The following SMG6 variants were observed in gnomAD, a reference collection of about 807,000 sequenced individuals.
SMG6 encodes SMG6 nonsense mediated mRNA decay factor, also known as telomerase-binding protein EST1A.
SMG6 carries 66 observed loss-of-function variants against 142.2 expected under a neutral mutation model. The ratio of observed to expected loss-of-function variants is 0.46; its 90% CI spans 0.38 to 0.57. The LOEUF (loss-of-function observed/expected upper bound fraction) is 0.57, where lower values mean the gene tolerates loss of function less well. SMG6 is among the 20% of genes least tolerant of loss of function. SMG6 has a pLI of 0.00. For missense variants in SMG6, 1,793 were observed against 1,832.0 expected, an observed-to-expected ratio of 0.98 and a Z score of 0.39; for synonymous variants, 779 against 702.4, an observed-to-expected ratio of 1.11 and a Z score of -1.72.
intron 10 of SMG6, 80 bp from the exon 11 acceptor site, chr17:2,188,595 T>C: frequency 7.2e-6 from 9 of 1,248,002 alleles, no homozygotes; most frequent in Non-Finnish European, 1.0e-5. Flanking sequence ...AGCTTCCTTT[T>C]CCTCACTGAA....
intron 8 of SMG6, among the ~76,000 whole-genome samples, chr17:2,250,200 T>A (rs1200282109): frequency 6.6e-6 from 1 of 152,158 alleles, no homozygotes; most frequent in African/African-American, 2.4e-5. Context: ...ACAGGCCCAA[T>A]TTCAGTTCCG....
chr17:2,169,858 G>A (rs1022887923), intron 13 of SMG6, among the ~76,000 whole-genome samples: 1 of 152,110 alleles, frequency 6.6e-6, no homozygotes, highest in African/African-American at 2.4e-5. Flanking sequence ...AGAGTAGAAG[G>A]GGGAAGGAAC....
At chr17:2,096,662 C>T (rs758878840) in intron 13 of SMG6, among the ~76,000 whole-genome samples, 17 of 152,280 alleles carry the variant, frequency 1.1e-4, no homozygotes, top group Middle Eastern at 3.4e-3. Flanking sequence ...TCCTTCAAGA[C>T]GCCAGTTAGC....
Position 2,197,307 on chromosome 17 carries a change from T to C in SMG6, c.2870-8792A>G, listed in dbSNP as rs894513192. Among the ~76,000 whole-genome samples, 3 of 152,140 alleles carry C rather than the reference T, an allele frequency of 2.0e-5. No individual in the cohort carries two copies. The South Asian group carries it at 6.2e-4, about 31-fold the overall frequency. ...GGCCAGGCGCGGTGGCTCACGCCTATAATTCCAGCACGCTGGGAGGCCAAG... is the reference window on the plus strand; with the variant it reads ...GGCCAGGCGCGGTGGCTCACGCCTACAATTCCAGCACGCTGGGAGGCCAAG... On this transcript the variant is annotated intron_variant, in intron 10 of 18. Transcript: ENST00000263073.
chr17:2,121,408 T>C (rs1285375375), intron 13 of SMG6, among the ~76,000 whole-genome samples: 1 of 152,186 alleles, frequency 6.6e-6, no homozygotes, highest in African/African-American at 2.4e-5. Flanking sequence ...CAAGAGCATG[T>C]ACTTATTGTG....
intron 13 of SMG6, among the ~76,000 whole-genome samples, chr17:2,091,953 A>G (rs900060549): frequency 2.0e-5 from 3 of 149,506 alleles, no homozygotes; most frequent in African/African-American, 7.4e-5. Context: ...AAGTGCTGGG[A>G]TTACAGGCGT....
intron 13 of SMG6, chr17:2,086,981 C>A: frequency 7.8e-7 from 1 of 1,284,380 alleles, no homozygotes; most frequent in South Asian, 1.2e-5. Context: ...ACTGACTAGC[C>A]CCTGCCTCTC....
At chr17:2,265,900 T>C (rs2074413929) in intron 8 of SMG6, 18 of 741,528 alleles carry the variant, frequency 2.4e-5, no homozygotes, top group Non-Finnish European at 2.8e-5. Flanking sequence ...TCTTAAAGAA[T>C]GAAATATGAA....
intron 9 of SMG6, among the ~76,000 whole-genome samples, chr17:2,239,602 GA>G (rs1168337170): frequency 6.6e-6 from 1 of 152,040 alleles, no homozygotes; most frequent in East Asian, 1.9e-4. Context: ...GAAAAAAATT[GA>G]AAAAATTTTA....
chr17:2,092,962 G>A (rs531804586), intron 13 of SMG6, among the ~76,000 whole-genome samples: 1 of 152,334 alleles, frequency 6.6e-6, no homozygotes, highest in Non-Finnish European at 1.5e-5. Flanking sequence ...TGGGGAGGCT[G>A]AGGCAGTGGA....
intron 1 of SMG6, among the ~76,000 whole-genome samples, chr17:2,302,775 A>C (rs1245173438): frequency 6.6e-6 from 1 of 151,788 alleles, no homozygotes; most frequent in Non-Finnish European, 1.5e-5. Context: ...GTTTAACCCA[A>C]GAATAGCTCA....
At chr17:2,110,332 C>T (rs529618467) in intron 13 of SMG6, among the ~76,000 whole-genome samples, 56 of 152,182 alleles carry the variant, frequency 3.7e-4, no homozygotes, top group Non-Finnish European at 7.1e-4. Context: ...ACCTTCCCAC[C>T]TTTGATTTTT....
chr17:2,201,677 CAAA>C (rs58219330), intron 10 of SMG6, among the ~76,000 whole-genome samples: 4 of 127,678 alleles, frequency 3.1e-5, no homozygotes, highest in Admixed American at 7.9e-5. Flanking sequence ...AGACTTGATT[CAAA>C]AAAAAAAAAA....
chr17:2,117,499 T>C (rs574945847), intron 13 of SMG6: 2 of 152,200 alleles, frequency 1.3e-5, no homozygotes, highest in African/African-American at 4.8e-5. Context: ...TGTATTTTCA[T>C]ATTCTAGCAG....
At chr17:2,121,605 G>C (rs948577484) in intron 13 of SMG6, among the ~76,000 whole-genome samples, 99 of 40,232 alleles carry the variant, frequency 2.5e-3, no homozygotes, top group Non-Finnish European at 3.9e-3. Context: ...GTGTGTGTGT[G>C]TGTGTGTGTG....
intron 10 of SMG6, among the ~76,000 whole-genome samples, chr17:2,235,263 T>C (rs1467471965): frequency 6.6e-6 from 1 of 152,172 alleles, no homozygotes; most frequent in African/African-American, 2.4e-5. Context: ...TGGATCTCAC[T>C]TTCTGCTGGG....
In SMG6 at chr17:2,090,040, C is replaced by T. The variant is rs143692422; in HGVS notation, c.3358-4139G>A. On this transcript the variant is annotated intron_variant, in intron 13 of 18. Transcript: ENST00000263073. ...CTCTACTAAAAATACAAAAATCAGC[C>T]GGGTGTGGTAGTACATGTGGTAGTC... Among the ~76,000 whole-genome samples the T allele has an allele frequency of 1.9e-3, 288 of 151,736 alleles. 2 individuals are homozygous for T. Among genetic ancestry groups the T allele is most frequent in the African/African-American group, 5.8e-3 (241 of 41,354 alleles).
chr17:2,219,370 G>T (rs183804737), intron 10 of SMG6, among the ~76,000 whole-genome samples: 1 of 152,196 alleles, frequency 6.6e-6, no homozygotes, highest in Non-Finnish European at 1.5e-5. Flanking sequence ...GGGCGGCAGA[G>T]CGAGACTCTG....
chr17:2,181,844 C>T (rs2151675119), intron 12 of SMG6, among the ~76,000 whole-genome samples: 1 of 152,356 alleles, frequency 6.6e-6, no homozygotes, highest in South Asian at 2.1e-4. Flanking sequence ...GCATCTCAAG[C>T]AAATGAGACC....
Sources: gnomAD v4.1 joint callset for allele counts (sites outside exome capture counted in the v4.1 genomes callset) on GRCh38, gnomAD v4.1.1 for gene constraint, MANE v1.5 for transcripts, NCBI Gene and HGNC (gene_info 2026-07-23, HGNC 2026-07-21) for gene names.